The following TENM1 variants were observed in gnomAD, a reference collection of about 807,000 sequenced individuals.
TENM1 encodes teneurin transmembrane protein 1.
A neutral mutation model predicts 174.8 loss-of-function variants in TENM1; 35 were observed. The observed-to-expected ratio is 0.20, with a 90% CI of 0.15 to 0.27. The LOEUF (loss-of-function observed/expected upper bound fraction) is 0.27, where lower values mean the gene tolerates loss of function less well. Among genes scored for constraint, TENM1 ranks in the 10% least tolerant of loss-of-function variants. TENM1 has a pLI of 1.00. For synonymous variants in TENM1, 781 were observed against 798.7 expected, an observed-to-expected ratio of 0.98 and a Z score of 0.37; for missense variants, 1,633 against 2,130.1, an observed-to-expected ratio of 0.77 and a Z score of 4.59.
intron 18 of TENM1, among the ~76,000 whole-genome samples, chrX:124,511,528 T>C (rs1043829117): frequency 2.7e-5 from 3 of 111,413 alleles, no homozygotes; most frequent in African/African-American, 9.8e-5. Flanking sequence ...TGAGTTTGAA[T>C]CCCTGCTCTG....
intron 11 of TENM1, among the ~76,000 whole-genome samples, chrX:124,632,940 C>T (rs1004106613): frequency 1.8e-5 from 2 of 111,714 alleles, no homozygotes; most frequent in Non-Finnish European, 3.8e-5. Context: ...TTCAACCTCT[C>T]TCAGCCATCT....
chrX:124,850,405 T>C (rs1329916528), intron 3 of TENM1, among the ~76,000 whole-genome samples: 1 of 111,592 alleles, frequency 9.0e-6, no homozygotes, highest in Non-Finnish European at 1.9e-5. Context: ...AAACCCATGT[T>C]ATAGGTAGTT....
chrX:124,969,083 A>G, the TENM1 span, among the ~76,000 whole-genome samples: 2 of 111,880 alleles, frequency 1.8e-5, no homozygotes, highest in Non-Finnish European at 3.8e-5. Flanking sequence ...TTTAGACATG[A>G]TGATGAAACT....
intron 20 of TENM1, among the ~76,000 whole-genome samples, chrX:124,492,794 G>A (rs1234408097): frequency 9.1e-6 from 1 of 110,197 alleles, no homozygotes; most frequent in African/African-American, 3.3e-5. Context: ...TCATCTACAG[G>A]GACTGGTTGC....
intron 3 of TENM1, among the ~76,000 whole-genome samples, chrX:124,779,523 A>G (rs2054858918): frequency 8.9e-6 from 1 of 111,966 alleles, no homozygotes. Flanking sequence ...TTCAAATTGT[A>G]TTTCATGAGC....
chrX:124,761,702 A>T (rs1020270173), intron 3 of TENM1, among the ~76,000 whole-genome samples: 15 of 111,671 alleles, frequency 1.3e-4, no homozygotes, highest in Admixed American at 9.5e-4. Context: ...ATAAAAAAAT[A>T]AAAAAACATG....
intron 3 of TENM1, among the ~76,000 whole-genome samples, chrX:124,824,784 T>C (rs1330636786): frequency 8.9e-6 from 1 of 111,805 alleles, no homozygotes; most frequent in Non-Finnish European, 1.9e-5. Context: ...GGATATCATT[T>C]TGAATATTAA....
chrX:124,996,715 C>T, the TENM1 span, among the ~76,000 whole-genome samples: 3 of 110,823 alleles, frequency 2.7e-5, no homozygotes, highest in African/African-American at 9.8e-5. Context: ...TTCGAAGGTA[C>T]AGCAGGCTAA....
chrX:124,956,175 C>A (rs891690174), intron 1 of TENM1, among the ~76,000 whole-genome samples: 5 of 111,806 alleles, frequency 4.5e-5, no homozygotes, highest in African/African-American at 1.6e-4. Context: ...AGCTTCTAGA[C>A]CCCCATGGTA....
At chrX:124,682,808 G>A (rs1194839975) in intron 5 of TENM1, among the ~76,000 whole-genome samples, 3 of 110,711 alleles carry the variant, frequency 2.7e-5, no homozygotes, top group African/African-American at 9.9e-5. Flanking sequence ...ACTCAAAATT[G>A]TCAATGTCAT....
chrX:124,924,879 C>CA (rs1420674811), intron 1 of TENM1, among the ~76,000 whole-genome samples: 1 of 110,524 alleles, frequency 9.0e-6, no homozygotes, highest in African/African-American at 3.3e-5. Context: ...TGCATGAAAT[C>CA]AAACATGTAC....
intron 3 of TENM1, among the ~76,000 whole-genome samples, chrX:124,867,363 T>G (rs940466157): frequency 3.6e-5 from 4 of 112,069 alleles, no homozygotes; most frequent in South Asian, 7.4e-4. Context: ...TGATACATCA[T>G]ACAAACAGAA....
intron 11 of TENM1, among the ~76,000 whole-genome samples, chrX:124,604,116 C>T (rs768483809): frequency 9.0e-5 from 10 of 110,726 alleles, no homozygotes; most frequent in East Asian, 2.8e-4. Context: ...ATAAAATAAT[C>T]GGTATAATAG....
chrX:124,980,999 T>C, the TENM1 span, among the ~76,000 whole-genome samples: 3 of 112,339 alleles, frequency 2.7e-5, no homozygotes, highest in East Asian at 2.8e-4. Flanking sequence ...TCCATGTTCA[T>C]ATAGATGTGT....
the TENM1 span, among the ~76,000 whole-genome samples, chrX:125,004,904 C>A: frequency 9.1e-6 from 1 of 110,184 alleles, no homozygotes; most frequent in Non-Finnish European, 1.9e-5. Context: ...ATCTTACATG[C>A]TTTTACACAA....
At chrX:124,468,241 T>C (rs1386387189) in intron 22 of TENM1, among the ~76,000 whole-genome samples, 1 of 109,977 alleles carries the variant, frequency 9.1e-6, no homozygotes, top group African/African-American at 3.3e-5. Context: ...AGTGGCGTGA[T>C]CTTGGCTCAC....
intron 5 of TENM1, among the ~76,000 whole-genome samples, chrX:124,684,027 T>C (rs933592758): frequency 3.6e-5 from 4 of 112,355 alleles, no homozygotes; most frequent in African/African-American, 1.3e-4. Context: ...TAAAATTTCT[T>C]ATAAATCAAT....
intron 6 of TENM1, among the ~76,000 whole-genome samples, chrX:124,664,564 A>G (rs749394567): frequency 1.9e-5 from 2 of 103,668 alleles, no homozygotes; most frequent in East Asian, 6.0e-4. Context: ...AAAGCAAAAC[A>G]CACACATACA....
chrX:124,546,734 T>G, intron 15 of TENM1, 140 bp downstream of exon 18: 1 of 520,911 alleles, frequency 1.9e-6, no homozygotes, highest in South Asian at 3.6e-5. Flanking sequence ...GGTTTTGGCT[T>G]TCCAGAGAAG....
Sources: allele counts gnomAD v4.1 joint callset (sites outside exome capture counted in the v4.1 genomes callset), GRCh38; gene constraint gnomAD v4.1.1; transcripts MANE v1.5; gene names NCBI Gene and HGNC (gene_info 2026-07-23, HGNC 2026-07-21).